C4orf51: variants seen among roughly 807,000 people sequenced by gnomAD.
C4orf51 encodes the protein chromosome 4 open reading frame 51, also known as uncharacterized protein C4orf51.
C4orf51 carries 25 observed loss-of-function variants against 25.2 expected under a neutral mutation model. The observed-to-expected ratio is 0.99, with a 90% CI of 0.72 to 1.39. C4orf51 has a LOEUF of 1.39. Ranked by LOEUF, C4orf51 falls within the 40% of genes most tolerant of loss-of-function variation. The pLI is 0.00. For missense variants in C4orf51, 252 were observed against 239.6 expected (o/e 1.05, Z -0.34); for synonymous variants, 100 against 84.5 (o/e 1.18, Z -1.01).
chr4:145,751,119 T>C (rs1281001180), intron 1 of C4orf51, among the ~76,000 whole-genome samples: 1 of 152,212 alleles, frequency 6.6e-6, no homozygotes, highest in African/African-American at 2.4e-5. Flanking sequence ...GTCACTTATC[T>C]CTGTTGCTCC....
chr4:145,781,217 AG>A, the C4orf51 span, among the ~76,000 whole-genome samples: 390 of 118,724 alleles, frequency 3.3e-3, no homozygotes, highest in African/African-American at 5.0e-3. Flanking sequence ...AAAAAAAAAA[AG>A]AAAAAAAAAG....
rs141544473 is a variant in C4orf51 at position 145,713,432 on chromosome 4, G to A, written c.308-13479G>A. ...GAAGAAGTTGATTCCATCCCCTGTG[G>A]ATGAGTCTGAGGGGTTTAAGACTTC... On this transcript the variant is annotated intron_variant, in intron 2 of 5. Transcript: ENST00000438731. 3.7e-4 allele frequency among the ~76,000 whole-genome samples: 57 copies of A among 152,330 alleles called. No homozygotes were observed. The East Asian group carries it at 9.3e-3, about 25-fold the overall frequency.
chr4:145,694,102 G>T (rs572288467), intron 1 of C4orf51, among the ~76,000 whole-genome samples: 53 of 139,494 alleles, frequency 3.8e-4, no homozygotes, highest in African/African-American at 1.5e-3. Context: ...TCACATCCCA[G>T]ATGGGGCGGC....
At chr4:145,733,289 G>A (rs1197221948), downstream of C4orf51, among the ~76,000 whole-genome samples, 2 of 151,966 alleles carry the variant, frequency 1.3e-5, no homozygotes, top group African/African-American at 4.8e-5. Flanking sequence ...TCCACAGGCC[G>A]CCTCCGCCGC....
intron 1 of C4orf51, among the ~76,000 whole-genome samples, chr4:145,688,269 A>G (rs754928659): frequency 3.1e-4 from 47 of 152,046 alleles, no homozygotes; most frequent in Admixed American, 7.9e-4. Context: ...AAGAAATGTA[A>G]TCAAAGATGT....
intron 1 of C4orf51, among the ~76,000 whole-genome samples, chr4:145,694,086 C>A (rs1358078609): frequency 7.3e-6 from 1 of 137,760 alleles, no homozygotes; most frequent in Non-Finnish European, 1.6e-5. Context: ...CGGGCAGAGG[C>A]GCTCCTCACA....
chr4:145,719,006 C>T (rs1439263701), intron 2 of C4orf51, among the ~76,000 whole-genome samples: 1 of 152,180 alleles, frequency 6.6e-6, no homozygotes, highest in African/African-American at 2.4e-5. Context: ...ATCTTGATGC[C>T]TGCTTTGCTT....
At position 145,697,766 on chromosome 4, in the gene C4orf51, C is replaced by A. The variant is rs567163732; in HGVS notation, c.307+1134C>A. On this transcript the variant is annotated intron_variant, in intron 2 of 5. Transcript: ENST00000438731. The stretch of plus-strand genomic sequence containing the variant: ...TCTTTATCCATTCATTATTGATGGA[C>A]ACGTAAGTTGTTTCTAGATCTTGAC... Among the ~76,000 whole-genome samples, 177 of 152,298 alleles carry A rather than the reference C, an allele frequency of 1.2e-3. 4 individuals are homozygous for A. In the South Asian group the frequency reaches 0.036, roughly 31 times the overall value.
the C4orf51 span, among the ~76,000 whole-genome samples, chr4:145,778,223 T>A: frequency 9.2e-5 from 14 of 152,226 alleles, no homozygotes; most frequent in African/African-American, 3.1e-4. Flanking sequence ...AACTTCCACC[T>A]CCTGGGTTCA....
intron 1 of C4orf51, among the ~76,000 whole-genome samples, chr4:145,748,782 C>T (rs1733515741): frequency 6.6e-6 from 1 of 151,924 alleles, no homozygotes; most frequent in African/African-American, 2.4e-5. Context: ...GTTTCATGAA[C>T]TAACATATGG....
downstream of C4orf51, among the ~76,000 whole-genome samples, chr4:145,773,858 C>T (rs76702901): frequency 9.8e-3 from 1,491 of 152,186 alleles, 24 homozygotes; most frequent in African/African-American, 0.034. Context: ...ACAGAGCCTA[C>T]AGAAGTAGGT....
At chr4:145,729,342 C>T (rs1481692410) in intron 4 of C4orf51, 113 bp downstream of exon 4, 4 of 610,644 alleles carry the variant, frequency 6.6e-6, no homozygotes, top group Non-Finnish European at 1.1e-5. Context: ...CTCACACTCT[C>T]CCAGGCTGAC....
At chr4:145,696,698 T>C in intron 2 of C4orf51, 66 bp downstream of exon 2, 1 of 1,202,868 alleles carries the variant, frequency 8.3e-7, no homozygotes, top group Non-Finnish European at 1.2e-6. Context: ...TTCTTTCAGG[T>C]TCTTTTTTTT....
chr4:145,776,063 G>T, the C4orf51 span: 2 of 1,336,976 alleles, frequency 1.5e-6, no homozygotes, highest in Non-Finnish European at 2.1e-6. Context: ...AATGGTTCAA[G>T]TCATATTTCA....
At position 145,691,246 on chromosome 4, in the gene C4orf51, C is replaced by G. The variant is rs141749976; in HGVS notation, c.234-5313C>G. On this transcript the variant is annotated intron_variant, in intron 1 of 5. Transcript: ENST00000438731. ...TGCAAACAAAAACCACAATGAGATA[C>G]CATCTCACACTAATCAGAATGGCTA... Among the ~76,000 whole-genome samples, 1,494 of 152,224 alleles carry G rather than the reference C, an allele frequency of 9.8e-3. 99 individuals carry two copies. The highest frequency in any genetic ancestry group is 0.092 in the Admixed American group (1,400 of 15,290).
intron 2 of C4orf51, among the ~76,000 whole-genome samples, chr4:145,718,897 G>C (rs1731563584): frequency 6.6e-6 from 1 of 152,118 alleles, no homozygotes; most frequent in South Asian, 2.1e-4. Context: ...TATCCTTCAG[G>C]TCCTTCAATT....
Position 145,765,513 on chromosome 4 carries a change from G to A in C4orf51, n.167-5475G>A, listed in dbSNP as rs1046269280. 1 of 1,581,592 alleles carries A rather than the reference G, an allele frequency of 6.3e-7. No individual in the cohort carries two copies. The highest frequency in any genetic ancestry group is 8.6e-7 in the Non-Finnish European group (1 of 1,164,726). ...AAGAATGGGTCATCCTGGGTGCGGA[G>A]GGTTGAGCAGGCTCACACCCACCTC... On this transcript the variant is annotated intron_variant and non_coding_transcript_variant, in intron 1 of 1. Coordinates refer to the C4orf51 transcript ENST00000510096. This position sits in a 1 kb window ranked among gnomAD's most constrained non-coding sequence, Gnocchi z 4.7.
In C4orf51 at chr4:145,763,057, C is replaced by A; in HGVS notation, n.167-7931C>A. The A allele has an allele frequency of 2.0e-6, 3 of 1,531,282 alleles. No individual in the cohort carries two copies. The highest frequency in any genetic ancestry group is 2.6e-6 in the Non-Finnish European group (3 of 1,143,262). The allele number at this position is 1,531,282 out of a possible 1,614,324, so 94.9% of individuals were successfully genotyped here. ...ATAAAGCCCATTCCCAGGTCAGGTG[C>A]ACACACAACCCCTACGCCAAGCTGG... On this transcript the variant is annotated intron_variant and non_coding_transcript_variant, in intron 1 of 1. Transcript: ENST00000510096. This position sits in a 1 kb window ranked among gnomAD's most constrained non-coding sequence, Gnocchi z 4.6.
At chr4:145,702,551 T>C (rs896102023) in intron 2 of C4orf51, among the ~76,000 whole-genome samples, 22 of 152,206 alleles carry the variant, frequency 1.4e-4, no homozygotes, top group Admixed American at 1.3e-4. Flanking sequence ...TACTCATACA[T>C]GCCCTGCTCT....
Sources: allele counts gnomAD v4.1 joint callset (sites outside exome capture counted in the v4.1 genomes callset), GRCh38; gene constraint gnomAD v4.1.1; non-coding constraint Gnocchi (gnomAD v3.1); transcripts MANE v1.5; gene names NCBI Gene and HGNC (gene_info 2026-07-23, HGNC 2026-07-21).